The following KIF26B variants were observed in gnomAD, a reference collection of about 807,000 sequenced individuals.
The protein encoded by KIF26B is kinesin family member 26B.
KIF26B carries 63 observed loss-of-function variants against 151.2 expected under a neutral mutation model. That is an observed-to-expected ratio of 0.42 (90% confidence interval 0.34 to 0.51). The LOEUF (loss-of-function observed/expected upper bound fraction) is 0.51. Ranked by LOEUF, KIF26B falls within the 20% of genes least tolerant of loss-of-function variation. KIF26B has a pLI of 0.07. For synonymous variants in KIF26B, 1,357 were observed against 1,262.1 expected, an observed-to-expected ratio of 1.08 and a Z score of -1.59; for missense variants, 2,813 against 2,913.6, an observed-to-expected ratio of 0.97 and a Z score of 0.79.
chr1:245,625,347 T>C (rs75456208), intron 9 of KIF26B, among the ~76,000 whole-genome samples: 1,746 of 152,272 alleles, frequency 0.011, 25 homozygotes, highest in Middle Eastern at 0.034. Context: ...TGGGATTGCA[T>C]TGAAGCTATA....
Position 245,532,103 on chromosome 1 carries a change from C to A in KIF26B, c.1167-8664C>A, listed in dbSNP as rs1028952110. Reference sequence around the variant, plus strand: ...CCCTGTCCTTAAGAAAAAAACAAAGCAAACAACAAAAAGACAACTGCTATA... The same window carrying A: ...CCCTGTCCTTAAGAAAAAAACAAAGAAAACAACAAAAAGACAACTGCTATA... On this transcript the variant is annotated intron_variant, in intron 4 of 14. Transcript: ENST00000407071. Among the ~76,000 whole-genome samples the A allele has an allele frequency of 5.3e-5, 8 of 151,996 alleles. No homozygotes were observed. In the South Asian group the frequency reaches 1.2e-3, roughly 24 times the overall value.
At chr1:245,466,683 T>C (rs1454767054) in intron 4 of KIF26B, among the ~76,000 whole-genome samples, 1 of 152,208 alleles carries the variant, frequency 6.6e-6, no homozygotes, top group East Asian at 1.9e-4. Context: ...CCCAGCACTT[T>C]AGGAGGCCAA....
intron 10 of KIF26B, among the ~76,000 whole-genome samples, chr1:245,659,742 C>T (rs1468574761): frequency 6.6e-6 from 1 of 152,018 alleles, no homozygotes; most frequent in Non-Finnish European, 1.5e-5. Flanking sequence ...AAGAGGTAAG[C>T]AGTTCCAGCA....
chr1:245,183,534 C>A (rs1487980065), intron 2 of KIF26B, among the ~76,000 whole-genome samples: 1 of 152,108 alleles, frequency 6.6e-6, no homozygotes, highest in Non-Finnish European at 1.5e-5. Flanking sequence ...TTAGAATGAC[C>A]ACTGTGGATT....
At chr1:245,189,792 C>T (rs1411797706) in intron 2 of KIF26B, among the ~76,000 whole-genome samples, 1 of 152,218 alleles carries the variant, frequency 6.6e-6, no homozygotes, top group Admixed American at 6.5e-5. Context: ...ACACATGAGA[C>T]TGGGTAATTT....
At chr1:245,661,512 T>A (rs1359779935) in intron 10 of KIF26B, among the ~76,000 whole-genome samples, 3 of 151,742 alleles carry the variant, frequency 2.0e-5, no homozygotes, top group South Asian at 4.1e-4. Flanking sequence ...ATACACCATA[T>A]ATATTATATA....
intron 4 of KIF26B, among the ~76,000 whole-genome samples, chr1:245,503,111 C>T (rs1021938698): frequency 6.6e-5 from 10 of 152,096 alleles, no homozygotes; most frequent in East Asian, 3.9e-4. Context: ...CTGCCCGCCT[C>T]GGCCTCCCAA....
At chr1:245,285,996 T>A in intron 2 of KIF26B, among the ~76,000 whole-genome samples, 1 of 81,952 alleles carries the variant, frequency 1.2e-5, no homozygotes, top group Non-Finnish European at 2.3e-5. Context: ...AGACCCTCTC[T>A]CTAAAAAAAA....
intron 9 of KIF26B, among the ~76,000 whole-genome samples, chr1:245,643,123 A>T (rs923542351): frequency 1.3e-5 from 2 of 152,186 alleles, no homozygotes; most frequent in Non-Finnish European, 2.9e-5. Flanking sequence ...TTTGAAGTGT[A>T]TTTCTCAAGC....
At chr1:245,302,319 T>G (rs529662685) in intron 2 of KIF26B, among the ~76,000 whole-genome samples, 1 of 152,362 alleles carries the variant, frequency 6.6e-6, no homozygotes, top group East Asian at 1.9e-4. Flanking sequence ...CTGGCCTCAA[T>G]AATCTCGTCT....
At chr1:245,532,499 C>T (rs1191011229) in intron 4 of KIF26B, among the ~76,000 whole-genome samples, 8 of 151,978 alleles carry the variant, frequency 5.3e-5, no homozygotes, top group Non-Finnish European at 1.0e-4. Context: ...CCTGCCTCGG[C>T]CTCCCAAAGT....
chr1:245,408,356 T>C lies in KIF26B; in HGVS notation c.1000-11223T>C, dbSNP rs1433107645. On this transcript the variant is annotated intron_variant, in intron 3 of 14. Coordinates refer to ENST00000407071, the MANE Select transcript of KIF26B (RefSeq NM_018012.4). ...AATGATTCTTAAATGATTCTTTTTT[T>C]TTTTTTTTTTTTTTTTGAAACACAG... 1.4e-3 allele frequency among the ~76,000 whole-genome samples: 208 copies of C among 144,524 alleles called. 2 individuals are homozygous for C. Among genetic ancestry groups the C allele is most frequent in the African/African-American group, 5.0e-3 (192 of 38,194 alleles). The allele number at this position is 144,524 out of a possible 152,430, so 94.8% of individuals were successfully genotyped here.
At chr1:245,472,034 C>T (rs12090391) in intron 4 of KIF26B, among the ~76,000 whole-genome samples, 35,271 of 152,042 alleles carry the variant, frequency 0.23, 4,268 homozygotes, top group African/African-American at 0.26. Context: ...TCAGATGATC[C>T]GCCCACCTCG....
At chr1:245,432,881 G>A (rs1378378903) in intron 4 of KIF26B, among the ~76,000 whole-genome samples, 2 of 152,188 alleles carry the variant, frequency 1.3e-5, no homozygotes, top group Admixed American at 6.5e-5. Context: ...CGGTAAAACC[G>A]GAGCATGGAG....
At chr1:245,633,832 A>G (rs2043806765) in intron 9 of KIF26B, among the ~76,000 whole-genome samples, 1 of 151,706 alleles carries the variant, frequency 6.6e-6, no homozygotes, top group South Asian at 2.1e-4. Flanking sequence ...ATTTTTTTTG[A>G]GTTGGGGTGA....
At chr1:245,665,161 A>G (rs1458263179) in intron 10 of KIF26B, among the ~76,000 whole-genome samples, 1 of 152,198 alleles carries the variant, frequency 6.6e-6, no homozygotes, top group Admixed American at 6.5e-5. Context: ...AGCTCTTGTC[A>G]TCTATATTTC....
Position 245,365,518 on chromosome 1 carries a change from C to CCCG in KIF26B, c.466-1314_466-1313insGCC, listed in dbSNP as rs1415848628. 1.1e-3 allele frequency among the ~76,000 whole-genome samples: 162 copies of CCCG among 151,198 alleles called. 2 individuals are homozygous for CCCG. The highest frequency in any genetic ancestry group is 3.7e-3 in the African/African-American group (150 of 40,750). On this transcript the variant is annotated intron_variant, in intron 2 of 14. Coordinates refer to ENST00000407071, the MANE Select transcript of KIF26B (RefSeq NM_018012.4). ...CCCCGTCACTGCCTCACAACTCCCCCCCACCAGCCTACAGCTCAGCAAACC... is the reference window on the plus strand; with the variant it reads ...CCCCGTCACTGCCTCACAACTCCCCCCCGCCACCAGCCTACAGCTCAGCAAACC...
chr1:245,609,572 C>T, intron 8 of KIF26B, 44 bp downstream of exon 8: 1 of 1,464,724 alleles, frequency 6.8e-7, no homozygotes, highest in Non-Finnish European at 9.0e-7. Flanking sequence ...TGGCTCCCTC[C>T]CCACCTCAGA....
At chr1:245,641,975 A>G (rs1430515076) in intron 9 of KIF26B, among the ~76,000 whole-genome samples, 1 of 152,200 alleles carries the variant, frequency 6.6e-6, no homozygotes, top group Non-Finnish European at 1.5e-5. Flanking sequence ...CAGAGATTCT[A>G]AGCCAACTGA....
Sources: gnomAD v4.1 joint callset for allele counts (sites outside exome capture counted in the v4.1 genomes callset) on GRCh38, gnomAD v4.1.1 for gene constraint, MANE v1.5 for transcripts, NCBI Gene and HGNC (gene_info 2026-07-23, HGNC 2026-07-21) for gene names.